ADGRL1: variants seen among roughly 807,000 people sequenced by gnomAD.
ADGRL1 encodes CIRL-1.
ADGRL1 carries 31 observed loss-of-function variants against 148.9 expected under a neutral mutation model. That is an observed-to-expected ratio of 0.21 (90% CI 0.16 to 0.28). The LOEUF is 0.28. ADGRL1 is among the 10% of genes least tolerant of loss of function. The probability of loss-of-function intolerance (pLI) is 1.00; values close to 1 mark genes in which losing one functional copy is unlikely to be tolerated. For missense variants in ADGRL1, 1,521 were observed against 2,058.8 expected (o/e 0.74, Z 5.05); for synonymous variants, 937 against 900.3 (o/e 1.04, Z -0.73).
At chr19:14,203,379 C>T (rs933986701) in intron 1 of ADGRL1, among the ~76,000 whole-genome samples, 8 of 152,120 alleles carry the variant, frequency 5.3e-5, no homozygotes, top group African/African-American at 1.2e-4. Context: ...CCACTCCTCC[C>T]GTTCCTCTTG....
intron 3 of ADGRL1, among the ~76,000 whole-genome samples, chr19:14,177,279 G>A (rs1224990315): frequency 6.6e-6 from 1 of 152,160 alleles, no homozygotes; most frequent in Non-Finnish European, 1.5e-5. Context: ...AGTTATGGAA[G>A]CAAGAGGCTG....
chr19:14,165,296 A>AG (rs2144791025), intron 4 of ADGRL1, among the ~76,000 whole-genome samples: 1 of 152,214 alleles, frequency 6.6e-6, no homozygotes, highest in Non-Finnish European at 1.5e-5. Context: ...TGATGCCCTG[A>AG]GGGGTCGGCC....
chr19:14,204,707 A>AGAGAGT (rs1246061472), intron 1 of ADGRL1, among the ~76,000 whole-genome samples: 8 of 70,530 alleles, frequency 1.1e-4, no homozygotes, highest in South Asian at 5.6e-4. Flanking sequence ...AGAAAGACAG[A>AGAGAGT]GAGAGTGAGA....
intron 1 of ADGRL1, among the ~76,000 whole-genome samples, chr19:14,205,382 C>T (rs993351827): frequency 6.6e-6 from 1 of 151,696 alleles, no homozygotes; most frequent in African/African-American, 2.4e-5. Flanking sequence ...GACAGCGGCG[C>T]CCCCCGGACT....
chr19:14,168,600 CAGG>C (rs1274671403), intron 4 of ADGRL1, among the ~76,000 whole-genome samples: 2 of 152,138 alleles, frequency 1.3e-5, no homozygotes, highest in African/African-American at 2.4e-5. Context: ...GCCTCGGCTC[CAGG>C]AGGTTTCTCA....
At chr19:14,181,987 G>A (rs989794356) in intron 2 of ADGRL1, among the ~76,000 whole-genome samples, 8 of 152,164 alleles carry the variant, frequency 5.3e-5, no homozygotes, top group African/African-American at 9.6e-5. Flanking sequence ...GGGGGATTGC[G>A]TTGCCCCATG....
In ADGRL1 at chr19:14,157,579, C is replaced by T. The variant is rs778786871; in HGVS notation, c.2536-119G>A. The T allele has an allele frequency of 1.9e-5, 19 of 1,002,146 alleles. No homozygotes were observed. The highest frequency in any genetic ancestry group is 4.4e-5 in the Admixed American group (2 of 45,746). 62.1% of individuals were successfully genotyped at this position (1,002,146 alleles called of 1,614,324 possible). ...CATGGGCCGTGAGGACCTCTGGTGC[C>T]GCCAACCTGGCAGCCCTCACCCCTC... On this transcript the variant is annotated intron_variant, in intron 13 of 22. Transcript: ENST00000361434. This position sits in a 1 kb window ranked among gnomAD's most constrained non-coding sequence, Gnocchi z 7.5.
intron 16 of ADGRL1, 102 bp downstream of exon 16, chr19:14,156,556 T>A: frequency 3.5e-6 from 2 of 579,546 alleles, no homozygotes; most frequent in Non-Finnish European, 5.4e-6. Flanking sequence ...AGAGAGAGTG[T>A]GTGTGTGTGT....
At position 14,148,391 on chromosome 19, in the gene ADGRL1, G is replaced by A. The variant is rs1967811215; in HGVS notation, c.*2482C>T. On this transcript the variant is annotated 3_prime_UTR_variant, in exon 23 of 23. Coordinates refer to ENST00000361434, the MANE Select transcript of ADGRL1 (RefSeq NM_014921.5). Reference sequence around the variant, plus strand: ...TCTGGAGAGATACAAGGAAGGCTGGGCAGGGAGGAAGTTGGCCTCTCTGTG... The same window carrying A: ...TCTGGAGAGATACAAGGAAGGCTGGACAGGGAGGAAGTTGGCCTCTCTGTG... The A allele has an allele frequency of 6.6e-6, 1 of 152,270 alleles. No homozygotes were observed. Among genetic ancestry groups the A allele is most frequent in the African/African-American group, 2.4e-5 (1 of 41,450 alleles). 9.4% of individuals were successfully genotyped at this position (152,270 alleles called of 1,614,324 possible).
intron 4 of ADGRL1, chr19:14,167,009 C>T (rs376266664): frequency 1.1e-5 from 18 of 1,610,778 alleles, no homozygotes; most frequent in Non-Finnish European, 1.4e-5. Flanking sequence ...GGTAACAGTG[C>T]GTTTACCTTT....
At chr19:14,173,032 T>C (rs1292186196) in intron 3 of ADGRL1, among the ~76,000 whole-genome samples, 1 of 152,160 alleles carries the variant, frequency 6.6e-6, no homozygotes, top group Admixed American at 6.6e-5. Flanking sequence ...CAATCTTGGC[T>C]CACTGCAGCC....
chr19:14,168,453 T>C (rs1427528828), intron 4 of ADGRL1, among the ~76,000 whole-genome samples: 1 of 152,130 alleles, frequency 6.6e-6, no homozygotes, highest in Non-Finnish European at 1.5e-5. Context: ...TGTGTGCGTG[T>C]GTCTCCTGTC....
chr19:14,175,810 G>A lies in ADGRL1; in HGVS notation c.284+1721C>T, dbSNP rs575396893. On this transcript the variant is annotated intron_variant, in intron 3 of 22. Coordinates refer to ENST00000361434, the MANE Select transcript of ADGRL1 (RefSeq NM_014921.5). Reference sequence around the variant, plus strand: ...TCACGCCTGTAATCCCAGCACTTAAGGGGGCCAAGGCAGGCAGGTGAATCA... The same window carrying A: ...TCACGCCTGTAATCCCAGCACTTAAAGGGGCCAAGGCAGGCAGGTGAATCA... Among the ~76,000 whole-genome samples, 250 of 152,204 alleles carry A rather than the reference G, an allele frequency of 1.6e-3. 2 individuals carry two copies. Among genetic ancestry groups the A allele is most frequent in the African/African-American group, 5.5e-3 (230 of 41,520 alleles).
chr19:14,197,555 A>G (rs1262057455), intron 1 of ADGRL1, among the ~76,000 whole-genome samples: 1 of 151,910 alleles, frequency 6.6e-6, no homozygotes, highest in African/African-American at 2.4e-5. Flanking sequence ...CCACCTTCCC[A>G]TCACTTCTAC....
Position 14,150,523 on chromosome 19 carries a change from C to G in ADGRL1, c.*350G>C. The G allele has an allele frequency of 3.9e-6, 1 of 253,498 alleles. No individual in the cohort carries two copies. Among genetic ancestry groups the G allele is most frequent in the Non-Finnish European group, 7.6e-6 (1 of 131,662 alleles). 15.7% of individuals were successfully genotyped at this position (253,498 alleles called of 1,614,324 possible). On this transcript the variant is annotated 3_prime_UTR_variant, in exon 23 of 23. Coordinates refer to ENST00000361434, the MANE Select transcript of ADGRL1 (RefSeq NM_014921.5). ...TCCCTGCCCAGGAAACTAAAGCCCTCATTTCCCTTCACAGGGTAGAAGGGT... is the reference window on the plus strand; with the variant it reads ...TCCCTGCCCAGGAAACTAAAGCCCTGATTTCCCTTCACAGGGTAGAAGGGT...
rs933658229 is a variant in ADGRL1, at chr19:14,155,741, G to C, written c.3126-214C>G. On this transcript the variant is annotated intron_variant, in intron 17 of 22. Transcript: ENST00000361434. The surrounding 1 kb of genome is among the most constrained non-coding windows in gnomAD (Gnocchi z 5.0). ...GGGAAAGGTACTGGGTCAGGGGTCG[G>C]GGTATTGTGAACATCAGTTATTCCT... 1 of 590,256 alleles carries C rather than the reference G, an allele frequency of 1.7e-6. No individual in the cohort carries two copies. Among genetic ancestry groups the C allele is most frequent in the Admixed American group, 3.0e-5 (1 of 33,176 alleles). The allele number at this position is 590,256 out of a possible 1,614,324, so 36.6% of individuals were successfully genotyped here.
rs745616938 is a variant in ADGRL1 at position 14,151,515 on chromosome 19, G to A, written c.3768C>T (p.Pro1256=). Residue 1256 remains proline (P), a synonymous_variant, in exon 23 of 23, where the codon CCC becomes CCT. Transcript: ENST00000361434. ...SYSLRSGDFP[P]GDGGPEPPRG... is the part of the protein sequence containing the mutation. ...GGGGCGGCTCAGGGCCCCCATCCCC[G>A]GGAGGGAAATCCCCACTTCGCAAGG... 6.8e-6 allele frequency: 11 copies of A among 1,610,820 alleles called. No homozygotes were observed. In the East Asian group the frequency reaches 1.3e-4, roughly 20 times the overall value.
intron 4 of ADGRL1, chr19:14,170,472 G>A (rs1341626080): frequency 3.9e-6 from 2 of 508,074 alleles, no homozygotes; most frequent in African/African-American, 3.9e-5. Flanking sequence ...CCACAGGAGG[G>A]GACAGAGTCT....
At position 14,155,914 on chromosome 19, in the gene ADGRL1, T is replaced by TGC. The variant is rs753181681; in HGVS notation, c.3125+194_3125+195dup. 141 of 596,854 alleles carry TGC rather than the reference T, an allele frequency of 2.4e-4. No individual in the cohort carries two copies. The highest frequency in any genetic ancestry group is 3.6e-4 in the Non-Finnish European group (120 of 332,634). The allele number at this position is 596,854 out of a possible 1,614,324, so 37.0% of individuals were successfully genotyped here. ...TGCCCCTAAAACCACAGGTTGGACGTGCTAATGATACGCTATCTAAGACCC... is the reference window on the plus strand; with the variant it reads ...TGCCCCTAAAACCACAGGTTGGACGTGCGCTAATGATACGCTATCTAAGACCC... On this transcript the variant is annotated intron_variant, in intron 17 of 22. Transcript: ENST00000361434. This position sits in a 1 kb window ranked among gnomAD's most constrained non-coding sequence, Gnocchi z 5.0.
Sources: gnomAD v4.1 joint callset for allele counts (sites outside exome capture counted in the v4.1 genomes callset) on GRCh38, gnomAD v4.1.1 for gene constraint, Gnocchi (gnomAD v3.1) non-coding constraint, MANE v1.5 for transcripts, NCBI Gene and HGNC (gene_info 2026-07-23, HGNC 2026-07-21) for gene names.